MATN3: variants seen among roughly 807,000 people sequenced by gnomAD.
The protein encoded by MATN3 is matrilin-3.
In MATN3, 48 loss-of-function variants were observed where a neutral mutation model predicts 45.3. The observed-to-expected ratio is 1.06, with a 90% CI of 0.84 to 1.35. The LOEUF is 1.35. MATN3 is among the 40% of genes most tolerant of loss of function. The pLI, the probability that MATN3 is intolerant of heterozygous loss-of-function variation, is 0.00. For synonymous variants in MATN3, 217 were observed against 245.9 expected (o/e 0.88, Z 1.10); for missense variants, 599 against 628.0 (o/e 0.95, Z 0.49).
intron 1 of MATN3, among the ~76,000 whole-genome samples, chr2:20,011,423 A>G (rs1558376834): frequency 6.6e-6 from 1 of 152,216 alleles, no homozygotes; most frequent in African/African-American, 2.4e-5. Context: ...GCCACTTCAA[A>G]TACGGGGACT....
At chr2:20,003,722 A>G (rs561783698) in intron 2 of MATN3, among the ~76,000 whole-genome samples, 1 of 152,340 alleles carries the variant, frequency 6.6e-6, no homozygotes, top group South Asian at 2.1e-4. Flanking sequence ...CCAAGGTTCT[A>G]TAGCCTATGT....
chr2:19,998,775 A>AT (rs142563088), intron 5 of MATN3, among the ~76,000 whole-genome samples: 39,435 of 150,906 alleles, frequency 0.26, 5,314 homozygotes, highest in South Asian at 0.3. Flanking sequence ...AAGAAAAAAA[A>AT]ATATATATAT....
At chr2:20,005,662 A>AAAG (rs3832086) in intron 2 of MATN3, 82 bp downstream of exon 2, 57 of 1,197,830 alleles carry the variant, frequency 4.8e-5, no homozygotes, top group South Asian at 8.3e-5. Flanking sequence ...TCCACCAAAA[A>AAAG]AGAATAATAC....
chr2:19,994,198 C>T (rs866590890), intron 7 of MATN3, 101 bp downstream of exon 7: 1 of 705,960 alleles, frequency 1.4e-6, no homozygotes, highest in African/African-American at 1.8e-5. Flanking sequence ...TAAAACCTAA[C>T]AAATAAGTCA....
At chr2:19,993,307 T>G in intron 7 of MATN3, 141 bp from the exon 8 acceptor site, 1 of 715,724 alleles carries the variant, frequency 1.4e-6, no homozygotes, top group East Asian at 2.7e-5. Flanking sequence ...CACCAAAAGT[T>G]GAATTCAGTC....
In MATN3 at chr2:19,993,064, TAAGTACACC is replaced by T. The variant is rs773529703; in HGVS notation, c.*38_*46del. On this transcript the variant is annotated 3_prime_UTR_variant, in exon 8 of 8. Transcript: ENST00000407540. ...GGTGTGCAAAAGAATGCATGAGTATTAAGTACACCAAGCTGTCCACATTTTCAGGTGAGA... is the reference window on the plus strand; with the variant it reads ...GGTGTGCAAAAGAATGCATGAGTATTAAGCTGTCCACATTTTCAGGTGAGA... 1 of 1,480,022 alleles carries T rather than the reference TAAGTACACC, an allele frequency of 6.8e-7. No individual in the cohort carries two copies. The highest frequency in any genetic ancestry group is 9.4e-7 in the Non-Finnish European group (1 of 1,058,504). 91.7% of individuals were successfully genotyped at this position (1,480,022 alleles called of 1,614,324 possible). A position where few individuals can be genotyped will look rare whatever the true frequency, so the allele number is the denominator to read the frequency against.
At chr2:19,999,103 A>G (rs1672934314) in intron 5 of MATN3, 1 of 151,952 alleles carries the variant, frequency 6.6e-6, no homozygotes, top group Non-Finnish European at 1.5e-5. Context: ...CCTTAACTGA[A>G]AATTTTCTTT....
chr2:19,994,289 G>A lies in MATN3; in HGVS notation c.1405+10C>T, dbSNP rs370974076. 1.3e-6 allele frequency: 2 copies of A among 1,592,756 alleles called. No homozygotes were observed. The highest frequency in any genetic ancestry group is 2.7e-5 in the African/African-American group (2 of 74,612). Reference sequence around the variant, plus strand: ...CCAGGCAGAAGGAGAAAACCTTCCAGAAAGGATATGTTTAGTGTTCAGTCT... The same window carrying A: ...CCAGGCAGAAGGAGAAAACCTTCCAAAAAGGATATGTTTAGTGTTCAGTCT... On this transcript the variant is annotated intron_variant, in intron 7 of 7. Coordinates refer to ENST00000407540, the MANE Select transcript of MATN3 (RefSeq NM_002381.5).
intron 1 of MATN3, among the ~76,000 whole-genome samples, chr2:20,009,928 G>C (rs1205871478): frequency 6.6e-6 from 1 of 151,834 alleles, no homozygotes; most frequent in Non-Finnish European, 1.5e-5. Context: ...GTATTTGATT[G>C]ATGTCTCATA....
chr2:20,004,796 G>A (rs1351052526), intron 2 of MATN3, among the ~76,000 whole-genome samples: 1 of 152,076 alleles, frequency 6.6e-6, no homozygotes, highest in Non-Finnish European at 1.5e-5. Flanking sequence ...GAATAAATAA[G>A]TGTGAAATAA....
At chr2:20,006,346 G>A (rs1339060652) in intron 1 of MATN3, 36 bp from the exon 2 acceptor site, 2 of 1,424,158 alleles carry the variant, frequency 1.4e-6, no homozygotes, top group Admixed American at 4.6e-5. Flanking sequence ...ACCACAATTA[G>A]AAATGCAGTA....
Position 20,003,014 on chromosome 2 carries a change from G to A in MATN3, c.916+147C>T, listed in dbSNP as rs181591995. ...CTTTTCTCCCTAAGCTCCTTTTCAGGGAAAACTGCTGATGAACACCAGTAA... is the reference window on the plus strand; with the variant it reads ...CTTTTCTCCCTAAGCTCCTTTTCAGAGAAAACTGCTGATGAACACCAGTAA... On this transcript the variant is annotated intron_variant, in intron 3 of 7. Coordinates refer to ENST00000407540, the MANE Select transcript of MATN3 (RefSeq NM_002381.5). 18 of 797,924 alleles carry A rather than the reference G, an allele frequency of 2.3e-5. 1 individual carries two copies. The East Asian group carries it at 4.3e-4, about 19-fold the overall frequency. The allele number at this position is 797,924 out of a possible 1,614,324, so 49.4% of individuals were successfully genotyped here.
intron 2 of MATN3, among the ~76,000 whole-genome samples, chr2:20,004,831 G>A (rs1343598905): frequency 6.6e-6 from 1 of 152,112 alleles, no homozygotes; most frequent in Non-Finnish European, 1.5e-5. Context: ...AGATATCTAT[G>A]TTTAAAAATT....
rs767173418 is a variant in MATN3 at position 19,994,348 on chromosome 2, C to T, written c.1356G>A (p.Leu452=). Residue 452 remains leucine, a synonymous_variant, in exon 7 of 8, where the codon CTG becomes CTA. Transcript: ENST00000407540. ...TEDACGCEAT[L]AFQDKVSSYL... The stretch of plus-strand genomic sequence containing the variant: ...ACGAGCTGACCTTGTCCTGGAATGC[C>T]AGTGTAGCTTCACATCCACAAGCAT... 6.2e-6 allele frequency: 10 copies of T among 1,613,524 alleles called. No homozygotes were observed. The highest frequency in any genetic ancestry group is 8.5e-6 in the Non-Finnish European group (10 of 1,179,736).
rs977112355 is a variant in MATN3 at position 20,012,419 on chromosome 2, G to A, written c.213C>T (p.Ala71=). The A allele has an allele frequency of 4.9e-6, 6 of 1,229,230 alleles. No individual in the cohort carries two copies. The African/African-American group carries it at 7.8e-5, about 16-fold the overall frequency. 76.1% of individuals were successfully genotyped at this position (1,229,230 alleles called of 1,614,324 possible). The change falls in exon 1 of 8, where the codon GCC becomes GCT. Residue 71 remains alanine (A), a synonymous_variant. Transcript: ENST00000407540. This position sits in a 1 kb window ranked among gnomAD's most constrained non-coding sequence, Gnocchi z 4.3. ...GCCGCCCGCCTGTACCTGCACCGCG[G>A]GCGCGGCCAGGCTCGCTGGTCCCGG... ...PASGTSEPGR[A]RGAGVCKSRP...
intron 3 of MATN3, 111 bp from the exon 4 acceptor site, chr2:20,002,191 C>CACACACACACCG: frequency 1.3e-6 from 1 of 756,946 alleles, no homozygotes. Flanking sequence ...CACACACACA[C>CACACACACACCG]AGAGCTAATG....
At position 19,995,763 on chromosome 2, in the gene MATN3, T is replaced by C. The variant is rs1039487893; in HGVS notation, c.1295-1354A>G. Among the ~76,000 whole-genome samples the C allele has an allele frequency of 6.6e-6, 1 of 152,226 alleles. No individual in the cohort carries two copies. The highest frequency in any genetic ancestry group is 1.5e-5 in the Non-Finnish European group (1 of 68,040). On this transcript the variant is annotated intron_variant, in intron 6 of 7. Coordinates refer to ENST00000407540, the MANE Select transcript of MATN3 (RefSeq NM_002381.5). The surrounding 1 kb of genome is among the most constrained non-coding windows in gnomAD (Gnocchi z 4.2). ...GGTGTATCATCTTCCAATGGAGTAA[T>C]TCTATTGCCTGAGGACAGGAAATGG...
At chr2:20,010,765 T>G (rs574354615) in intron 1 of MATN3, among the ~76,000 whole-genome samples, 35 of 152,228 alleles carry the variant, frequency 2.3e-4, no homozygotes, top group Non-Finnish European at 4.4e-4. Context: ...GTCAGACTTC[T>G]GACCCACAGA....
chr2:19,994,591 C>T (rs1028524682), intron 6 of MATN3, among the ~76,000 whole-genome samples, 182 bp from the exon 7 acceptor site: 12 of 152,160 alleles, frequency 7.9e-5, no homozygotes, highest in African/African-American at 2.9e-4. Flanking sequence ...CAGAAAAATT[C>T]ATCTTAGGAT....
Sources: gnomAD v4.1 joint callset for allele counts (sites outside exome capture counted in the v4.1 genomes callset) on GRCh38, gnomAD v4.1.1 for gene constraint, Gnocchi (gnomAD v3.1) non-coding constraint, MANE v1.5 for transcripts, NCBI Gene and HGNC (gene_info 2026-07-23, HGNC 2026-07-21) for gene names.